Variants in ZNF385D observed in about 807,000 individuals in gnomAD.
The protein encoded by ZNF385D is zinc finger protein 385D.
ZNF385D carries 15 observed loss-of-function variants against 35.8 expected under a neutral mutation model. The ratio of observed to expected loss-of-function variants is 0.42; its 90% CI spans 0.28 to 0.64. The LOEUF (loss-of-function observed/expected upper bound fraction) is 0.64. Ranked by LOEUF, ZNF385D falls within the 30% of genes least tolerant of loss-of-function variation. ZNF385D has a pLI of 0.23. For missense variants in ZNF385D, 474 were observed against 494.6 expected, an observed-to-expected ratio of 0.96 and a Z score of 0.39; for synonymous variants, 212 against 186.8, an observed-to-expected ratio of 1.13 and a Z score of -1.10.
intron 2 of ZNF385D, among the ~76,000 whole-genome samples, chr3:22,180,032 A>C (rs1395178623): frequency 6.6e-6 from 1 of 152,226 alleles, no homozygotes; most frequent in Non-Finnish European, 1.5e-5. Context: ...AAGTTGATAG[A>C]CCACTAGCAA....
chr3:21,661,007 T>G (rs2125248351), intron 2 of ZNF385D, among the ~76,000 whole-genome samples: 1 of 152,282 alleles, frequency 6.6e-6, no homozygotes, highest in East Asian at 1.9e-4. Flanking sequence ...CCAGGTATAT[T>G]AGACGCCACT....
intron 2 of ZNF385D, among the ~76,000 whole-genome samples, chr3:21,619,976 GAC>G (rs768966969): frequency 1.4e-4 from 22 of 152,218 alleles, no homozygotes; most frequent in South Asian, 8.3e-4. Flanking sequence ...AGAGGGTACT[GAC>G]ACAGCCCTCT....
intron 3 of ZNF385D, among the ~76,000 whole-genome samples, chr3:22,062,864 G>A (rs1480049298): frequency 6.6e-6 from 1 of 152,160 alleles, no homozygotes; most frequent in Non-Finnish European, 1.5e-5. Flanking sequence ...CCTACAAACA[G>A]CCATATGAGT....
chr3:21,932,166 CAAAAAAAAAAAAAAAA>C (rs543138588), intron 3 of ZNF385D, among the ~76,000 whole-genome samples: 1 of 55,314 alleles, frequency 1.8e-5, no homozygotes. Context: ...GACTCATTCT[CAAAAAAAAAAAAAAAA>C]AAAAAAAAAA....
intron 2 of ZNF385D, among the ~76,000 whole-genome samples, chr3:22,212,105 CCT>C (rs765800569): frequency 1.6e-4 from 24 of 152,056 alleles, no homozygotes; most frequent in African/African-American, 5.3e-4. Context: ...TCTTCACAAA[CCT>C]CTGTTTTCTC....
intron 4 of ZNF385D, among the ~76,000 whole-genome samples, chr3:21,469,695 A>T (rs967020128): frequency 9.9e-5 from 15 of 152,196 alleles, no homozygotes; most frequent in Non-Finnish European, 2.1e-4. Flanking sequence ...TTACTTAAAA[A>T]ATGTTTCAGG....
At chr3:21,462,676 C>G (rs1460477906) in intron 4 of ZNF385D, among the ~76,000 whole-genome samples, 1 of 152,090 alleles carries the variant, frequency 6.6e-6, no homozygotes, top group Admixed American at 6.6e-5. Flanking sequence ...CACAAGTAAG[C>G]AAAAAAGCTG....
At chr3:22,125,237 T>G (rs1056571353) in intron 3 of ZNF385D, among the ~76,000 whole-genome samples, 1 of 152,110 alleles carries the variant, frequency 6.6e-6, no homozygotes, top group South Asian at 2.1e-4. Flanking sequence ...GTGTATAAAT[T>G]TATTTCTTGT....
chr3:22,350,176 T>G lies in ZNF385D; in HGVS notation c.106+22274A>C, dbSNP rs367747085. On this transcript the variant is annotated intron_variant, in intron 2 of 5. Transcript: ENST00000494108. ...ACTAAGCGTTTACATGCAAAGAAGT[T>G]TACCCCAGGAAAAATTCATAACTGT... Among the ~76,000 whole-genome samples, 11 of 152,288 alleles carry G rather than the reference T, an allele frequency of 7.2e-5. No individual in the cohort carries two copies. The East Asian group carries it at 2.1e-3, about 29-fold the overall frequency.
intron 2 of ZNF385D, among the ~76,000 whole-genome samples, chr3:22,182,196 A>G (rs556420950): frequency 2.0e-5 from 3 of 152,204 alleles, no homozygotes; most frequent in Non-Finnish European, 4.4e-5. Context: ...CATAACTACT[A>G]TACCAATTAA....
rs533274313 is a variant in ZNF385D at position 21,891,267 on chromosome 3, A to G, written c.326-226239T>C. On this transcript the variant is annotated intron_variant, in intron 3 of 5. Transcript: ENST00000494108. The stretch of plus-strand genomic sequence containing the variant: ...AAGACTCTCATCGTCAGTATTATCT[A>G]TCTAATGGATAGAATGAACAAGGAG... Among the ~76,000 whole-genome samples, 73 of 152,290 alleles carry G rather than the reference A, an allele frequency of 4.8e-4. 1 individual carries two copies. The highest frequency in any genetic ancestry group is 4.6e-3 in the South Asian group (22 of 4,828).
chr3:21,762,272 C>G (rs1396253388), intron 3 of ZNF385D, among the ~76,000 whole-genome samples: 1 of 152,126 alleles, frequency 6.6e-6, no homozygotes, highest in African/African-American at 2.4e-5. Flanking sequence ...CTTTCCACTA[C>G]TATCTCTATC....
intron 3 of ZNF385D, among the ~76,000 whole-genome samples, chr3:21,933,275 G>T (rs1162959403): frequency 6.6e-6 from 1 of 152,144 alleles, no homozygotes; most frequent in African/African-American, 2.4e-5. Flanking sequence ...ATTAGGAGTT[G>T]CAAAGGTTCA....
chr3:22,330,353 T>C (rs1444352599), intron 2 of ZNF385D, among the ~76,000 whole-genome samples: 1 of 152,166 alleles, frequency 6.6e-6, no homozygotes, highest in African/African-American at 2.4e-5. Context: ...TTTGTCTTTT[T>C]TGTTTTTATT....
chr3:22,193,575 A>G (rs544024560), intron 2 of ZNF385D, among the ~76,000 whole-genome samples: 1 of 152,022 alleles, frequency 6.6e-6, no homozygotes, highest in African/African-American at 2.4e-5. Flanking sequence ...TGTAACTTCA[A>G]AATTGAAGAT....
intron 3 of ZNF385D, among the ~76,000 whole-genome samples, chr3:22,016,945 CACACACACACAA>C (rs961977702): frequency 1.3e-5 from 2 of 149,698 alleles, no homozygotes; most frequent in Non-Finnish European, 3.0e-5. Context: ...GACACACACA[CACACACACACAA>C]ACACACACAC....
chr3:21,801,393 A>T (rs775235758), intron 3 of ZNF385D, among the ~76,000 whole-genome samples: 4 of 152,196 alleles, frequency 2.6e-5, no homozygotes, highest in Non-Finnish European at 4.4e-5. Flanking sequence ...TTGGGAAGAT[A>T]AGTGTTAATT....
At chr3:22,316,634 C>T (rs529792300) in intron 2 of ZNF385D, among the ~76,000 whole-genome samples, 1 of 152,244 alleles carries the variant, frequency 6.6e-6, no homozygotes, top group South Asian at 2.1e-4. Context: ...TGATTTTGAG[C>T]AACTTATTCA....
chr3:21,845,692 G>T (rs62236499), intron 3 of ZNF385D, among the ~76,000 whole-genome samples: 10,758 of 151,840 alleles, frequency 0.071, 564 homozygotes, highest in South Asian at 0.13. Context: ...AGCCACATTT[G>T]CCATATTATA....
Sources: gnomAD v4.1 joint callset for allele counts (sites outside exome capture counted in the v4.1 genomes callset) on GRCh38, gnomAD v4.1.1 for gene constraint, MANE v1.5 for transcripts, NCBI Gene and HGNC (gene_info 2026-07-23, HGNC 2026-07-21) for gene names.